ZBTB20: variants seen among roughly 807,000 people sequenced by gnomAD.
ZBTB20 encodes the protein zinc finger and BTB domain-containing protein 20.
A neutral mutation model predicts 56.9 loss-of-function variants in ZBTB20; 9 were observed. The ratio of observed to expected loss-of-function variants is 0.16; its 90% CI spans 0.10 to 0.28. ZBTB20 has a LOEUF of 0.28. Ranked by LOEUF, ZBTB20 falls within the 10% of genes least tolerant of loss-of-function variation. ZBTB20 has a pLI of 1.00. For synonymous variants in ZBTB20, 417 were observed against 420.7 expected (o/e 0.99, Z 0.11); for missense variants, 655 against 1,003.0 (o/e 0.65, Z 4.69).
At chr3:114,779,263 T>C (rs556308356) in intron 5 of ZBTB20, among the ~76,000 whole-genome samples, 33 of 152,210 alleles carry the variant, frequency 2.2e-4, no homozygotes, top group Non-Finnish European at 4.4e-4. Flanking sequence ...CAGATTTTCA[T>C]AGTGCCATAT....
At chr3:115,143,528 T>C (rs2084879058) in intron 1 of ZBTB20, among the ~76,000 whole-genome samples, 1 of 152,010 alleles carries the variant, frequency 6.6e-6, no homozygotes. Context: ...AACCCAGAAC[T>C]GAAAAAGATT....
At chr3:114,812,359 T>C (rs1390050860) in intron 4 of ZBTB20, among the ~76,000 whole-genome samples, 4 of 152,018 alleles carry the variant, frequency 2.6e-5, no homozygotes, top group African/African-American at 7.2e-5. Flanking sequence ...ACAAAGGTTC[T>C]CCAAGTCCCC....
chr3:114,887,961 G>A (rs1395908813), intron 4 of ZBTB20, among the ~76,000 whole-genome samples: 2 of 151,968 alleles, frequency 1.3e-5, no homozygotes, highest in African/African-American at 2.4e-5. Context: ...AGCCTCAAAC[G>A]AAATGTACTG....
At chr3:114,532,697 A>C (rs2047997243) in intron 6 of ZBTB20, among the ~76,000 whole-genome samples, 1 of 152,104 alleles carries the variant, frequency 6.6e-6, no homozygotes, top group African/African-American at 2.4e-5. Context: ...TCACTGGGAG[A>C]CACCTCCCAG....
intron 5 of ZBTB20, among the ~76,000 whole-genome samples, chr3:114,705,168 C>T (rs556647272): frequency 4.6e-5 from 7 of 152,114 alleles, no homozygotes; most frequent in African/African-American, 9.7e-5. Context: ...TTCCCTAATA[C>T]ATATTTGTAT....
intron 1 of ZBTB20, among the ~76,000 whole-genome samples, chr3:115,125,353 A>AG (rs2084299795): frequency 6.6e-6 from 1 of 152,078 alleles, no homozygotes; most frequent in African/African-American, 2.4e-5. Context: ...AAATAAAAAA[A>AG]AAAAAAAGAA....
intron 1 of ZBTB20, among the ~76,000 whole-genome samples, chr3:115,146,408 A>T (rs1023904189): frequency 1.3e-5 from 2 of 152,200 alleles, no homozygotes; most frequent in African/African-American, 4.8e-5. Context: ...AAAGCCACAC[A>T]GACAGGAATA....
At chr3:114,870,454 T>A (rs1322871088) in intron 4 of ZBTB20, among the ~76,000 whole-genome samples, 1 of 150,650 alleles carries the variant, frequency 6.6e-6, no homozygotes, top group Non-Finnish European at 1.5e-5. Flanking sequence ...TCCCATATTT[T>A]TATGGGGTTA....
In ZBTB20 at chr3:114,484,933, A is replaced by G. The variant is rs556644896; in HGVS notation, c.-255+15419T>C. ...GCTGATCTAGAAGTAATCCCCATATAATAATATAATAGCTCAGGTCTTAAA... is the reference window on the plus strand; with the variant it reads ...GCTGATCTAGAAGTAATCCCCATATGATAATATAATAGCTCAGGTCTTAAA... On this transcript the variant is annotated intron_variant, in intron 7 of 11. Transcript: ENST00000675478. Among the ~76,000 whole-genome samples the G allele has an allele frequency of 6.6e-5, 10 of 152,302 alleles. No homozygotes were observed. The South Asian group carries it at 1.2e-3, about 19-fold the overall frequency.
chr3:115,007,253 T>C (rs756581783), intron 2 of ZBTB20, among the ~76,000 whole-genome samples: 38 of 151,690 alleles, frequency 2.5e-4, no homozygotes, highest in Non-Finnish European at 3.5e-4. Context: ...TTCAACTTCT[T>C]CTGGAAATAC....
intron 4 of ZBTB20, among the ~76,000 whole-genome samples, chr3:114,844,537 A>AAAAAAAC (rs1560313201): frequency 2.0e-4 from 28 of 138,808 alleles, no homozygotes; most frequent in Non-Finnish European, 3.6e-4. Flanking sequence ...AAAAAAAAAA[A>AAAAAAAC]AAAAAAAAAA....
intron 5 of ZBTB20, among the ~76,000 whole-genome samples, chr3:114,719,405 C>T (rs148128655): frequency 0.012 from 1,817 of 152,102 alleles, 35 homozygotes; most frequent in African/African-American, 0.04. Flanking sequence ...CTAGCTGGAG[C>T]GGACTGCCTG....
At chr3:114,515,497 C>T (rs547963677) in intron 6 of ZBTB20, among the ~76,000 whole-genome samples, 2 of 152,194 alleles carry the variant, frequency 1.3e-5, no homozygotes, top group South Asian at 2.1e-4. Context: ...AGCATAAGTT[C>T]GAATTTCAGA....
chr3:114,671,299 C>A (rs1283557998), intron 6 of ZBTB20, among the ~76,000 whole-genome samples: 1 of 151,980 alleles, frequency 6.6e-6, no homozygotes, highest in Non-Finnish European at 1.5e-5. Context: ...GAGCTTAAAC[C>A]TCAGGGACCT....
Position 114,337,095 on chromosome 3 carries a change from T to C in ZBTB20, c.*1910A>G, listed in dbSNP as rs1045436883. The C allele has an allele frequency of 6.6e-6, 1 of 152,230 alleles. No individual in the cohort carries two copies. Among genetic ancestry groups the C allele is most frequent in the Admixed American group, 6.5e-5 (1 of 15,286 alleles). 9.4% of individuals were successfully genotyped at this position (152,230 alleles called of 1,614,324 possible). On this transcript the variant is annotated 3_prime_UTR_variant, in exon 12 of 12. Transcript: ENST00000675478. ...TGGTGGTCTTTTGAATGGTGGCTGT[T>C]GGCATCTGGGAATTTTTTTGTTAAT...
chr3:114,669,856 G>C (rs1211406693), intron 6 of ZBTB20, among the ~76,000 whole-genome samples: 4 of 151,878 alleles, frequency 2.6e-5, no homozygotes, highest in African/African-American at 9.7e-5. Context: ...ATAAGCCCTA[G>C]AGTAAAATTT....
rs942954362 is a variant in ZBTB20 at position 114,964,537 on chromosome 3, T to C, written c.-456+9829A>G. On this transcript the variant is annotated intron_variant, in intron 3 of 11. Coordinates refer to ENST00000675478, the MANE Select transcript of ZBTB20 (RefSeq NM_001348800.3). ...TGTAGAGGATAAATAAGGCCTCTGCTGGTGAAATAGCAAGTTTTTTCTGGG... is the reference window on the plus strand; with the variant it reads ...TGTAGAGGATAAATAAGGCCTCTGCCGGTGAAATAGCAAGTTTTTTCTGGG... Among the ~76,000 whole-genome samples, 15 of 152,310 alleles carry C rather than the reference T, an allele frequency of 9.8e-5. No individual in the cohort carries two copies. In the South Asian group the frequency reaches 3.1e-3, roughly 32 times the overall value.
At chr3:114,424,163 A>C (rs1328184048) in intron 7 of ZBTB20, among the ~76,000 whole-genome samples, 3 of 152,222 alleles carry the variant, frequency 2.0e-5, no homozygotes, top group African/African-American at 7.2e-5. Context: ...ATTCAGGGAC[A>C]CATCTTTTGA....
intron 5 of ZBTB20, among the ~76,000 whole-genome samples, chr3:114,775,714 A>G (rs1389383606): frequency 6.6e-6 from 1 of 152,184 alleles, no homozygotes; most frequent in Admixed American, 6.6e-5. Context: ...ATTATGTAGC[A>G]TAAGAATACT....
Sources: gnomAD v4.1 joint callset for allele counts (sites outside exome capture counted in the v4.1 genomes callset) on GRCh38, gnomAD v4.1.1 for gene constraint, MANE v1.5 for transcripts, NCBI Gene and HGNC (gene_info 2026-07-23, HGNC 2026-07-21) for gene names.